HMCN1: variants seen among roughly 807,000 people sequenced by gnomAD.
HMCN1 encodes the protein hemicentin 1.
Under a neutral mutation model 625.9 loss-of-function variants are expected in HMCN1, and 321 were observed. The observed-to-expected ratio is 0.51, with a 90% CI of 0.47 to 0.56. The LOEUF (loss-of-function observed/expected upper bound fraction) is 0.56. Among genes scored for constraint, HMCN1 ranks in the 20% least tolerant of loss-of-function variants. HMCN1 has a pLI of 0.00. For missense variants in HMCN1, 6,588 were observed against 6,887.3 expected (o/e 0.96, Z 1.54); for synonymous variants, 2,425 against 2,417.6 (o/e 1.00, Z -0.09).
chr1:185,884,585 G>A (rs974485832), intron 4 of HMCN1, among the ~76,000 whole-genome samples: 3 of 151,932 alleles, frequency 2.0e-5, no homozygotes, highest in Non-Finnish European at 2.9e-5. Flanking sequence ...TCTAAAAAAA[G>A]TTACTTTCTA....
rs114652564 is a variant in HMCN1 at position 186,097,472 on chromosome 1, C to T, written c.10573+1951C>T. Among the ~76,000 whole-genome samples the T allele has an allele frequency of 5.8e-3, 869 of 150,662 alleles. 6 individuals carry two copies. The highest frequency in any genetic ancestry group is 0.019 in the African/African-American group (798 of 40,942). On this transcript the variant is annotated intron_variant, in intron 68 of 106. Transcript: ENST00000271588. ...ATTCACAGAGGGTCTGGAACCAATC[C>T]TCTGCAGAGACTGAGGTACAATAGC...
At chr1:185,840,841 G>T (rs937039427) in intron 1 of HMCN1, among the ~76,000 whole-genome samples, 1 of 152,044 alleles carries the variant, frequency 6.6e-6, no homozygotes, top group African/African-American at 2.4e-5. Context: ...TCAATATAAA[G>T]TTAAGAACAA....
At chr1:186,017,484 A>T (rs894560599) in intron 33 of HMCN1, among the ~76,000 whole-genome samples, 1 of 151,862 alleles carries the variant, frequency 6.6e-6, no homozygotes, top group African/African-American at 2.4e-5. Context: ...GTGTTTACCA[A>T]TTTTTTTTCT....
intron 68 of HMCN1, 66 bp from the exon 69 acceptor site, chr1:186,103,405 GT>G (rs1382035714): frequency 1.5e-6 from 2 of 1,365,964 alleles, no homozygotes; most frequent in East Asian, 2.3e-5. Context: ...GGATTTTCAA[GT>G]TTTTCTAACG....
At chr1:185,933,498 G>A (rs1362260630) in intron 10 of HMCN1, 51 bp from the exon 11 acceptor site, 1 of 1,601,094 alleles carries the variant, frequency 6.2e-7, no homozygotes, top group Non-Finnish European at 8.6e-7. Flanking sequence ...ATCTGTAAGT[G>A]AGCAAAATGG....
chr1:185,790,942 C>T (rs147759555), intron 1 of HMCN1, among the ~76,000 whole-genome samples: 36 of 152,240 alleles, frequency 2.4e-4, no homozygotes, highest in African/African-American at 7.2e-4. Flanking sequence ...ATTTCCATTA[C>T]CCATGTCACA....
intron 1 of HMCN1, among the ~76,000 whole-genome samples, chr1:185,765,661 A>G (rs1639460565): frequency 6.6e-6 from 1 of 152,202 alleles, no homozygotes; most frequent in South Asian, 2.1e-4. Flanking sequence ...TAGGACCAGA[A>G]TCTGAGTAAT....
rs529296524 is a variant in HMCN1 at position 185,844,002 on chromosome 1, A to T, written c.269-2024A>T. Among the ~76,000 whole-genome samples the T allele has an allele frequency of 2.0e-5, 3 of 152,128 alleles. No individual in the cohort carries two copies. In the South Asian group the frequency reaches 6.2e-4, roughly 32 times the overall value. On this transcript the variant is annotated intron_variant, in intron 1 of 106. Transcript: ENST00000271588. ...TTGCATGTTTACACTCTTTATTATGATATAATTGTTTTTTTCTAGTATTCT... is the reference window on the plus strand; with the variant it reads ...TTGCATGTTTACACTCTTTATTATGTTATAATTGTTTTTTTCTAGTATTCT...
rs74136020 is a variant in HMCN1 at position 186,085,439 on chromosome 1, G to A, written c.8885-807G>A. On this transcript the variant is annotated intron_variant, in intron 57 of 106. Transcript: ENST00000271588. ...TTCTGAGCATGCTTGGTGAGAGAGA[G>A]CCAGTTCTCTGGTGGCTCTTGTTAA... 9.5e-3 allele frequency among the ~76,000 whole-genome samples: 1,443 copies of A among 152,192 alleles called. 23 individuals carry two copies. The highest frequency in any genetic ancestry group is 0.031 in the African/African-American group (1,307 of 41,532).
At chr1:186,105,397 G>C (rs1283019707) in intron 69 of HMCN1, among the ~76,000 whole-genome samples, 1 of 151,936 alleles carries the variant, frequency 6.6e-6, no homozygotes, top group Admixed American at 6.6e-5. Flanking sequence ...TTGTTTTTTC[G>C]TGTATTTATC....
intron 30 of HMCN1, among the ~76,000 whole-genome samples, chr1:186,013,177 C>T (rs918675509): frequency 2.6e-5 from 4 of 151,958 alleles, no homozygotes; most frequent in African/African-American, 4.8e-5. Flanking sequence ...GAGTAAAAGC[C>T]GTAGACAATA....
chr1:185,799,895 G>T (rs1463488648), intron 1 of HMCN1, among the ~76,000 whole-genome samples: 1 of 152,182 alleles, frequency 6.6e-6, no homozygotes, highest in African/African-American at 2.4e-5. Flanking sequence ...AGGAGTCCCT[G>T]TCCCATGTTC....
chr1:186,095,750 A>G (rs1660109527), intron 68 of HMCN1, among the ~76,000 whole-genome samples: 1 of 152,144 alleles, frequency 6.6e-6, no homozygotes, highest in Non-Finnish European at 1.5e-5. Flanking sequence ...CAGCTTGTAA[A>G]ACATTACTCA....
chr1:185,756,034 T>G (rs1655113130), intron 1 of HMCN1, among the ~76,000 whole-genome samples: 1 of 152,116 alleles, frequency 6.6e-6, no homozygotes, highest in Non-Finnish European at 1.5e-5. Flanking sequence ...TCTGTACCTG[T>G]GTACTCTGTG....
chr1:186,130,591 G>C lies in HMCN1; in HGVS notation c.13124G>C (p.Gly4375Ala). The C allele has an allele frequency of 1.2e-6, 2 of 1,613,526 alleles. No homozygotes were observed. The highest frequency in any genetic ancestry group is 1.7e-6 in the Non-Finnish European group (2 of 1,179,620). The change falls in exon 85 of 107, where the codon GGA becomes GCA. Residue 4375 changes from glycine to alanine, a missense_variant. Physicochemically the swap from Gly to Ala is moderately conservative, Grantham distance 60 (BLOSUM62 0). This residue lies in a region of HMCN1 where 1,954 missense variants were observed against 2,013.1 expected (regional missense o/e 0.97). Transcript: ENST00000271588. The part of the protein sequence containing the change: ...GNAILNCEVK[G>A]DPTPTIQWNR... ...GCAATCCTGAATTGTGAGGTGAAAGGAGACCCCACCCCAACCATCCAGTGG... is the reference window on the plus strand; with the variant it reads ...GCAATCCTGAATTGTGAGGTGAAAGCAGACCCCACCCCAACCATCCAGTGG...
At chr1:185,839,623 C>T (rs1393856847) in intron 1 of HMCN1, among the ~76,000 whole-genome samples, 2 of 152,058 alleles carry the variant, frequency 1.3e-5, no homozygotes, top group African/African-American at 4.8e-5. Context: ...GCTGCTCTGG[C>T]CAAAGTCATC....
chr1:186,153,049 C>A lies in HMCN1; in HGVS notation c.15018+178C>A, dbSNP rs148182620. ...CTTCAGGGACAAGTTTTTACAAACT[C>A]TCTTAATGGTTTTACCACCCTCCCT... is the stretch of plus-strand genomic sequence containing the variant. On this transcript the variant is annotated intron_variant, in intron 96 of 106. Coordinates refer to ENST00000271588, the MANE Select transcript of HMCN1 (RefSeq NM_031935.3). 4.6e-5 allele frequency among the ~76,000 whole-genome samples: 7 copies of A among 152,308 alleles called. No individual in the cohort carries two copies. In the East Asian group the frequency reaches 1.3e-3, roughly 29 times the overall value.
chr1:185,825,821 T>G (rs139314472), intron 1 of HMCN1, among the ~76,000 whole-genome samples: 1 of 152,308 alleles, frequency 6.6e-6, no homozygotes, highest in East Asian at 1.9e-4. Flanking sequence ...TTTAATAGCA[T>G]GCAACCATTT....
intron 1 of HMCN1, among the ~76,000 whole-genome samples, chr1:185,800,168 G>A (rs1227273831): frequency 6.6e-6 from 1 of 152,216 alleles, no homozygotes; most frequent in African/African-American, 2.4e-5. Flanking sequence ...CTTGATCGTG[G>A]TGTCTCTCCC....
Sources: allele counts gnomAD v4.1 joint callset (sites outside exome capture counted in the v4.1 genomes callset), GRCh38; gene constraint gnomAD v4.1.1; regional missense constraint gnomAD v4.1.1; transcripts MANE v1.5; gene names NCBI Gene and HGNC (gene_info 2026-07-23, HGNC 2026-07-21).